The following CLEC16A variants were observed in gnomAD, a reference collection of about 807,000 sequenced individuals.
The protein encoded by CLEC16A is C-type lectin domain containing 16A, also known as protein CLEC16A.
In CLEC16A, 51 loss-of-function variants were observed where a neutral mutation model predicts 109.5. The ratio of observed to expected loss-of-function variants is 0.47; its 90% CI spans 0.37 to 0.59. CLEC16A has a LOEUF of 0.59. Ranked by LOEUF, CLEC16A falls within the 20% of genes least tolerant of loss-of-function variation. The pLI is 0.00. For missense variants in CLEC16A, 1,339 were observed against 1,394.0 expected (o/e 0.96, Z 0.63); for synonymous variants, 673 against 564.2 (o/e 1.19, Z -2.73).
chr16:11,027,786 A>G, intron 13 of CLEC16A: 1 of 1,011,586 alleles, frequency 9.9e-7, no homozygotes. Flanking sequence ...AAACTGCAGT[A>G]TATTTTTGAT....
chr16:11,158,339 T>C (rs2054606232), intron 22 of CLEC16A, among the ~76,000 whole-genome samples: 1 of 152,158 alleles, frequency 6.6e-6, no homozygotes, highest in African/African-American at 2.4e-5. Flanking sequence ...GCAGAGACTG[T>C]GGAAAATGCA....
At chr16:11,098,471 A>T (rs1359429014) in intron 19 of CLEC16A, among the ~76,000 whole-genome samples, 1 of 152,198 alleles carries the variant, frequency 6.6e-6, no homozygotes, top group African/African-American at 2.4e-5. Context: ...CCTCTTCAGT[A>T]AGGAGACGTG....
chr16:11,152,023 G>A (rs2153080022), intron 22 of CLEC16A, among the ~76,000 whole-genome samples: 1 of 152,328 alleles, frequency 6.6e-6, no homozygotes, highest in East Asian at 1.9e-4. Context: ...ATGAGCAAAA[G>A]GATAGAACTA....
chr16:10,965,914 A>G (rs2042478984), intron 3 of CLEC16A, among the ~76,000 whole-genome samples: 1 of 152,054 alleles, frequency 6.6e-6, no homozygotes. Flanking sequence ...CAGCTGAGAG[A>G]CTCACAGTTG....
rs201236598 is a variant in CLEC16A, at chr16:11,166,443, G to C, written c.2697G>C (p.Gln899His). Residue 899 changes from glutamine to histidine, a missense_variant, in exon 23 of 24, where the codon CAG becomes CAC. By Grantham distance (24) the Gln-to-His change is conservative (BLOSUM62 0). Coordinates refer to ENST00000409790, the MANE Select transcript of CLEC16A (RefSeq NM_015226.3). ...NQHSSPSLSS[Q>H]SPPSASGSPS... is the part of the protein sequence containing the mutation. The stretch of plus-strand genomic sequence containing the variant: ...ACAGCTCCCCGTCCCTGTCCTCACA[G>C]TCGCCACCCTCCGCCAGCGGGAGCC... 157 of 1,607,396 alleles carry C rather than the reference G, an allele frequency of 9.8e-5. 1 individual carries two copies. The South Asian group carries it at 1.1e-3, about 11-fold the overall frequency.
intron 1 of CLEC16A, among the ~76,000 whole-genome samples, chr16:10,949,137 C>T (rs540443583): frequency 6.6e-6 from 1 of 152,270 alleles, no homozygotes; most frequent in East Asian, 1.9e-4. Flanking sequence ...CCAAAGAAGG[C>T]GGAGAATGGA....
At chr16:11,053,826 G>C (rs1487036141) in intron 18 of CLEC16A, among the ~76,000 whole-genome samples, 1 of 152,204 alleles carries the variant, frequency 6.6e-6, no homozygotes, top group Non-Finnish European at 1.5e-5. Context: ...CTGCCTTCTT[G>C]AGATCTGCTG....
chr16:11,041,709 C>T (rs1007490163), intron 14 of CLEC16A: 1 of 152,986 alleles, frequency 6.5e-6, no homozygotes, highest in Admixed American at 6.5e-5. Context: ...CCACGGTCCT[C>T]TGCTCAGCCC....
At chr16:11,106,406 G>A (rs1404253635) in intron 19 of CLEC16A, among the ~76,000 whole-genome samples, 2 of 150,972 alleles carry the variant, frequency 1.3e-5, no homozygotes, top group Admixed American at 6.6e-5. Context: ...TTCCCACTTC[G>A]GCCTCCGAAG....
At chr16:11,053,466 G>C (rs1335710546) in intron 18 of CLEC16A, among the ~76,000 whole-genome samples, 1 of 151,880 alleles carries the variant, frequency 6.6e-6, no homozygotes, top group Non-Finnish European at 1.5e-5. Context: ...TGCCCCCTGG[G>C]GTCAAGCAAT....
intron 10 of CLEC16A, among the ~76,000 whole-genome samples, chr16:11,000,316 C>G (rs1443308817): frequency 6.6e-6 from 1 of 152,212 alleles, no homozygotes; most frequent in Non-Finnish European, 1.5e-5. Context: ...CCAGTTTGTT[C>G]TGTATGTCTG....
rs761878119 is a variant in CLEC16A, at chr16:11,178,533, T to C, written c.3005T>C (p.Leu1002Pro). The C allele has an allele frequency of 1.2e-6, 2 of 1,613,200 alleles. No individual in the cohort carries two copies. Among genetic ancestry groups the C allele is most frequent in the Non-Finnish European group, 1.7e-6 (2 of 1,179,872 alleles). The change falls in exon 24 of 24, where the codon CTG becomes CCG. Residue 1002 changes from leucine (L) to proline (P), a missense_variant. Coordinates refer to ENST00000409790, the MANE Select transcript of CLEC16A (RefSeq NM_015226.3). This position sits in a 1 kb window ranked among gnomAD's most constrained non-coding sequence, Gnocchi z 6.5. ...CTCTGCGAGGACACGGCTGACACGCTGAGCGTCGAATCGCTGACCCTTGTC... is the reference window on the plus strand; with the variant it reads ...CTCTGCGAGGACACGGCTGACACGCCGAGCGTCGAATCGCTGACCCTTGTC... Reference protein sequence around the residue: ...SLLCEDTADTLSVESLTLVPP... With the variant: ...SLLCEDTADTPSVESLTLVPP...
intron 12 of CLEC16A, among the ~76,000 whole-genome samples, chr16:11,022,370 A>G (rs1343209171): frequency 5.4e-5 from 7 of 129,184 alleles, no homozygotes; most frequent in Admixed American, 2.5e-4. Context: ...TTGCAAAGAC[A>G]GGATCCTACT....
At chr16:11,144,181 C>G (rs1469136925) in intron 22 of CLEC16A, among the ~76,000 whole-genome samples, 1 of 152,186 alleles carries the variant, frequency 6.6e-6, no homozygotes, top group Admixed American at 6.5e-5. Context: ...ATCTCTGAAA[C>G]TTGGTAGGGA....
At chr16:11,010,445 C>T (rs995935050) in intron 11 of CLEC16A, among the ~76,000 whole-genome samples, 1 of 152,098 alleles carries the variant, frequency 6.6e-6, no homozygotes, top group Non-Finnish European at 1.5e-5. Context: ...TTCAAATTTA[C>T]AAAAGGTGCA....
intron 3 of CLEC16A, 33 bp from the exon 4 acceptor site, chr16:10,969,128 G>A (rs1212396801): frequency 6.3e-7 from 1 of 1,577,396 alleles, no homozygotes; most frequent in Non-Finnish European, 8.6e-7. Context: ...CCTCCAGCAT[G>A]AGTTAACCTG....
intron 22 of CLEC16A, among the ~76,000 whole-genome samples, chr16:11,133,411 C>G (rs2053358679): frequency 1.3e-5 from 2 of 151,596 alleles, no homozygotes; most frequent in African/African-American, 4.9e-5. Flanking sequence ...CCGGTGTTAT[C>G]TTTATCAAAG....
intron 14 of CLEC16A, chr16:11,040,879 A>G (rs1025448279): frequency 9.2e-5 from 14 of 152,216 alleles, no homozygotes; most frequent in Admixed American, 2.0e-4. Flanking sequence ...ATGCATTAAC[A>G]AAGGGACTGG....
At chr16:11,013,147 C>T (rs1399489429) in intron 11 of CLEC16A, among the ~76,000 whole-genome samples, 2 of 152,168 alleles carry the variant, frequency 1.3e-5, no homozygotes, top group Non-Finnish European at 2.9e-5. Flanking sequence ...ATGCAGACTC[C>T]ACATAGACGG....
Sources: allele counts gnomAD v4.1 joint callset (sites outside exome capture counted in the v4.1 genomes callset), GRCh38; gene constraint gnomAD v4.1.1; non-coding constraint Gnocchi (gnomAD v3.1); transcripts MANE v1.5; gene names NCBI Gene and HGNC (gene_info 2026-07-23, HGNC 2026-07-21).